The following DTNA variants were observed in gnomAD, a reference collection of about 807,000 sequenced individuals.
The protein encoded by DTNA is dystrobrevin alpha, also known as dystrophin-related protein 3.
A neutral mutation model predicts 100.7 loss-of-function variants in DTNA; 43 were observed. The ratio of observed to expected loss-of-function variants is 0.43; its 90% CI spans 0.33 to 0.55. The LOEUF (loss-of-function observed/expected upper bound fraction) is 0.55, where lower values mean the gene tolerates loss of function less well. Ranked by LOEUF, DTNA falls within the 20% of genes least tolerant of loss-of-function variation. DTNA has a pLI of 0.04. For synonymous variants in DTNA, 349 were observed against 347.9 expected, an observed-to-expected ratio of 1.00 and a Z score of -0.04; for missense variants, 798 against 953.9, an observed-to-expected ratio of 0.84 and a Z score of 2.15.
intron 1 of DTNA, among the ~76,000 whole-genome samples, chr18:34,655,924 G>A (rs890533116): frequency 2.6e-5 from 4 of 152,066 alleles, no homozygotes; most frequent in South Asian, 4.1e-4. Flanking sequence ...TCTCTAACTC[G>A]TCAACTTTCA....
At chr18:34,589,423 A>G (rs1446340466) in intron 1 of DTNA, among the ~76,000 whole-genome samples, 1 of 152,148 alleles carries the variant, frequency 6.6e-6, no homozygotes. Context: ...CCTGGCTAAC[A>G]TAATAAAACC....
chr18:34,588,837 A>G (rs1003305527), intron 1 of DTNA, among the ~76,000 whole-genome samples: 1 of 148,092 alleles, frequency 6.8e-6, no homozygotes, highest in Non-Finnish European at 1.5e-5. Context: ...GTGTTCTAAT[A>G]TAGTTGAAAT....
chr18:34,782,958 G>A (rs925658847), intron 3 of DTNA, among the ~76,000 whole-genome samples: 2 of 152,160 alleles, frequency 1.3e-5, no homozygotes, highest in Non-Finnish European at 2.9e-5. Flanking sequence ...AGAATGTAGG[G>A]AATGATAAGA....
chr18:34,673,569 T>C (rs2077036154), intron 1 of DTNA, among the ~76,000 whole-genome samples: 1 of 152,172 alleles, frequency 6.6e-6, no homozygotes, highest in African/African-American at 2.4e-5. Context: ...TAAATCCTTT[T>C]TAAACCACCT....
intron 1 of DTNA, among the ~76,000 whole-genome samples, chr18:34,499,655 G>A (rs1206625275): frequency 1.3e-5 from 2 of 152,144 alleles, no homozygotes; most frequent in East Asian, 1.9e-4. Flanking sequence ...TTGCTGTGCT[G>A]TATTTTAGCC....
In DTNA at chr18:34,888,770, C is replaced by T. The variant is rs1450453762; in HGVS notation, c.*1036C>T. The T allele has an allele frequency of 2.0e-6, 2 of 985,858 alleles. No homozygotes were observed. Among genetic ancestry groups the T allele is most frequent in the Non-Finnish European group, 2.4e-6 (2 of 829,938 alleles). 61.1% of individuals were successfully genotyped at this position (985,858 alleles called of 1,614,324 possible). A position where few individuals can be genotyped will look rare whatever the true frequency, so the allele number is the denominator to read the frequency against. On this transcript the variant is annotated 3_prime_UTR_variant, in exon 23 of 23. Coordinates refer to ENST00000444659, the MANE Select transcript of DTNA (RefSeq NM_001386795.1). ...TTAGGAAGCATGTCTTTAACAGCAC[C>T]GCTCGTTCACAAGTTCCCCCATCAA...
At chr18:34,809,498 G>A (rs2095439180) in intron 5 of DTNA, among the ~76,000 whole-genome samples, 2 of 152,114 alleles carry the variant, frequency 1.3e-5, no homozygotes, top group African/African-American at 4.8e-5. Flanking sequence ...GTAAGGTCAT[G>A]ATTTTCTACG....
rs138136154 is a variant in DTNA at position 34,572,186 on chromosome 18, G to T, written c.-2+78672G>T. Among the ~76,000 whole-genome samples, 274 of 152,318 alleles carry T rather than the reference G, an allele frequency of 1.8e-3. 2 individuals carry two copies. Among genetic ancestry groups the T allele is most frequent in the African/African-American group, 6.3e-3 (261 of 41,574 alleles). ...GATAAACAGATTTAGATAAACAGAT[G>T]CTCAGAACCCAGCCCTAGAGATTCT... On this transcript the variant is annotated intron_variant, in intron 1 of 19. Transcript: ENST00000283365.
intron 1 of DTNA, among the ~76,000 whole-genome samples, chr18:34,716,381 G>A (rs1219098488): frequency 1.3e-5 from 2 of 152,122 alleles, no homozygotes; most frequent in Non-Finnish European, 2.9e-5. Flanking sequence ...GGCCAACGTA[G>A]TGAAACCCCA....
At chr18:34,884,035 T>A (rs931715472) in intron 21 of DTNA, among the ~76,000 whole-genome samples, 4 of 152,214 alleles carry the variant, frequency 2.6e-5, no homozygotes, top group African/African-American at 9.6e-5. Flanking sequence ...GAAATCAGCC[T>A]GGAATGAAAC....
chr18:34,510,872 A>G (rs1388267094), intron 1 of DTNA, among the ~76,000 whole-genome samples: 3 of 151,988 alleles, frequency 2.0e-5, no homozygotes, highest in African/African-American at 4.8e-5. Flanking sequence ...CTCATCCCCT[A>G]GTTTCCCACT....
intron 17 of DTNA, chr18:34,866,068 A>G (rs2096699261): frequency 6.2e-7 from 1 of 1,609,860 alleles, no homozygotes; most frequent in African/African-American, 1.3e-5. Context: ...CTCTTATTGG[A>G]ACCCTGGGTA....
chr18:34,818,625 T>C (rs1436308673), intron 8 of DTNA: 1 of 1,202,178 alleles, frequency 8.3e-7, no homozygotes, highest in Non-Finnish European at 1.0e-6. Context: ...AAGGACCTTC[T>C]GGAACATAAT....
intron 1 of DTNA, among the ~76,000 whole-genome samples, chr18:34,495,639 A>G (rs1479182551): frequency 6.6e-6 from 1 of 152,216 alleles, no homozygotes; most frequent in Non-Finnish European, 1.5e-5. Context: ...TTCAACTATC[A>G]GTGATTAAAA....
At chr18:34,860,220 GTTTTTTTTTTT>G (rs55673388) in intron 16 of DTNA, among the ~76,000 whole-genome samples, 356 of 80,272 alleles carry the variant, frequency 4.4e-3, no homozygotes, top group African/African-American at 0.016. Context: ...CTAATTTTTT[GTTTTTTTTTTT>G]TTTTTTTTTT....
chr18:34,614,534 G>C (rs994867122), intron 1 of DTNA, among the ~76,000 whole-genome samples: 16 of 152,108 alleles, frequency 1.1e-4, no homozygotes, highest in Admixed American at 7.2e-4. Flanking sequence ...CATGGCAGGA[G>C]GTCAAAATAT....
intron 1 of DTNA, among the ~76,000 whole-genome samples, chr18:34,539,615 T>A (rs975060251): frequency 2.0e-5 from 3 of 151,978 alleles, no homozygotes; most frequent in African/African-American, 7.2e-5. Context: ...TCTTTTGGCT[T>A]GTGGAGGCAG....
intron 1 of DTNA, among the ~76,000 whole-genome samples, chr18:34,633,390 T>C (rs1220072313): frequency 5.3e-5 from 8 of 152,162 alleles, no homozygotes; most frequent in African/African-American, 1.7e-4. Flanking sequence ...TTAATAGTAT[T>C]GCTTGAATAA....
chr18:34,713,254 G>C (rs2083264250), intron 1 of DTNA, among the ~76,000 whole-genome samples: 1 of 152,116 alleles, frequency 6.6e-6, no homozygotes, highest in South Asian at 2.1e-4. Flanking sequence ...CTCTTAGAAG[G>C]AAAGTGGAAA....
Sources: gnomAD v4.1 joint callset for allele counts (sites outside exome capture counted in the v4.1 genomes callset) on GRCh38, gnomAD v4.1.1 for gene constraint, MANE v1.5 for transcripts, NCBI Gene and HGNC (gene_info 2026-07-23, HGNC 2026-07-21) for gene names.